The following ZNF18 variants were observed in gnomAD, a reference collection of about 807,000 sequenced individuals.
ZNF18 encodes heart development-specific gene 1 protein.
A neutral mutation model predicts 58.1 loss-of-function variants in ZNF18; 42 were observed. That is an observed-to-expected ratio of 0.72 (90% CI 0.56 to 0.93). ZNF18 has a LOEUF of 0.93. Ranked by LOEUF, ZNF18 falls within the 40% of genes least tolerant of loss-of-function variation. ZNF18 has a pLI of 0.00. For missense variants in ZNF18, 540 were observed against 644.2 expected (o/e 0.84, Z 1.75); for synonymous variants, 231 against 239.8 (o/e 0.96, Z 0.34).
chr17:11,985,894 A>G (rs1453938343), intron 4 of ZNF18, among the ~76,000 whole-genome samples: 1 of 152,222 alleles, frequency 6.6e-6, no homozygotes, highest in Non-Finnish European at 1.5e-5. Context: ...GCCAGGCTTC[A>G]GGGAATAGAA....
Position 11,978,308 on chromosome 17 carries a change from C to G in ZNF18, c.1299G>C (p.Glu433Asp), listed in dbSNP as rs1967114944. The change falls in exon 7 of 7, where the codon GAG becomes GAC. Residue 433 changes from glutamate (E) to aspartate (D), a missense_variant. By Grantham distance (45) the Glu-to-Asp change is conservative. Transcript: ENST00000580306. Reference sequence around the variant, plus strand: ...TGCAGATGGTGCACTGAAAGTATGTCTCTCCGGTGTGAGTTCTTTGGTGAA... The same window carrying G: ...TGCAGATGGTGCACTGAAAGTATGTGTCTCCGGTGTGAGTTCTTTGGTGAA... Reference protein sequence around the residue: ...LIFHQRTHTGETYFQCTICKK... With the variant: ...LIFHQRTHTGDTYFQCTICKK... 6.2e-7 allele frequency: 1 copy of G among 1,601,656 alleles called. No individual in the cohort carries two copies.
Position 11,977,864 on chromosome 17 carries a change from GT to G in ZNF18, c.*92del. On this transcript the variant is annotated 3_prime_UTR_variant, in exon 7 of 7. Transcript: ENST00000580306. ...CCAAGAAAAAAGGAGATTAACAGGG[GT>G]ATCCTCTTAGACACAATTCCTCTTG... is the stretch of plus-strand genomic sequence containing the variant. 3 of 1,402,410 alleles carry G rather than the reference GT, an allele frequency of 2.1e-6. No individual in the cohort carries two copies. Among genetic ancestry groups the G allele is most frequent in the Non-Finnish European group, 1.9e-6 (2 of 1,033,950 alleles). 86.9% of individuals were successfully genotyped at this position (1,402,410 alleles called of 1,614,324 possible).
chr17:12,000,318 GA>G (rs1393250765), upstream of ZNF18, among the ~76,000 whole-genome samples: 2 of 152,138 alleles, frequency 1.3e-5, no homozygotes, highest in African/African-American at 2.4e-5. Flanking sequence ...AGGGTAATAA[GA>G]AAAATCTATT....
chr17:11,995,014 A>G (rs2151488306), intron 1 of ZNF18, among the ~76,000 whole-genome samples: 1 of 152,338 alleles, frequency 6.6e-6, no homozygotes, highest in Middle Eastern at 3.4e-3. Flanking sequence ...CGCAGGAGTC[A>G]CAGAGGCAGA....
chr17:11,989,415 C>T (rs1467286657), intron 4 of ZNF18, among the ~76,000 whole-genome samples: 1 of 151,932 alleles, frequency 6.6e-6, no homozygotes, highest in East Asian at 1.9e-4. Context: ...CAAAACTGAC[C>T]CAGAACCAAT....
Position 11,984,096 on chromosome 17 carries a change from C to T in ZNF18, c.751+17G>A. On this transcript the variant is annotated intron_variant, in intron 5 of 6. Coordinates refer to ENST00000580306, the MANE Select transcript of ZNF18 (RefSeq NM_001303281.2). ...AGTCCTTCTACCTCCTTCCATCAGACTAACCCACACCCTCACCTCCTGAGA... is the reference window on the plus strand; with the variant it reads ...AGTCCTTCTACCTCCTTCCATCAGATTAACCCACACCCTCACCTCCTGAGA... The T allele has an allele frequency of 6.2e-7, 1 of 1,606,486 alleles. No homozygotes were observed. Among genetic ancestry groups the T allele is most frequent in the South Asian group, 1.1e-5 (1 of 89,898 alleles).
chr17:11,989,114 G>A (rs187350705), intron 4 of ZNF18, among the ~76,000 whole-genome samples: 8 of 151,108 alleles, frequency 5.3e-5, no homozygotes, highest in Admixed American at 1.3e-4. Flanking sequence ...AGCTGAGATC[G>A]CGCCACTGCA....
At position 11,991,164 on chromosome 17, in the gene ZNF18, C is replaced by T. The variant is rs1470321298; in HGVS notation, c.388-1G>A. On this transcript the variant is annotated splice_acceptor_variant, in intron 2 of 6. Coordinates refer to ENST00000580306, the MANE Select transcript of ZNF18 (RefSeq NM_001303281.2). LOFTEE classifies it high-confidence loss of function. Reference sequence around the variant, plus strand: ...CCTGTCCTAGAACCTGGATACTGATCTAGAGACCATATATTAATTAGTAAT... The same window carrying T: ...CCTGTCCTAGAACCTGGATACTGATTTAGAGACCATATATTAATTAGTAAT... 1.9e-6 allele frequency: 3 copies of T among 1,611,912 alleles called. No homozygotes were observed. Among genetic ancestry groups the T allele is most frequent in the African/African-American group, 2.7e-5 (2 of 74,790 alleles).
the ZNF18 span, among the ~76,000 whole-genome samples, chr17:12,016,903 A>T: frequency 1.3e-5 from 2 of 152,110 alleles, no homozygotes; most frequent in African/African-American, 4.8e-5. Flanking sequence ...TAATAGTCAA[A>T]ATAGTAATAT....
the ZNF18 span, among the ~76,000 whole-genome samples, chr17:12,004,337 T>C: frequency 6.6e-6 from 1 of 152,188 alleles, no homozygotes; most frequent in Non-Finnish European, 1.5e-5. Context: ...TTATATTACC[T>C]AGTTTTAACT....
chr17:12,003,824 G>A, the ZNF18 span, among the ~76,000 whole-genome samples: 2 of 152,222 alleles, frequency 1.3e-5, no homozygotes, highest in African/African-American at 2.4e-5. Flanking sequence ...CACTGGTATT[G>A]AATACAACGG....
chr17:12,007,680 G>A, the ZNF18 span, among the ~76,000 whole-genome samples: 2 of 152,182 alleles, frequency 1.3e-5, no homozygotes, highest in East Asian at 1.9e-4. Context: ...GCTACCTGCT[G>A]CTGGGGATGG....
At chr17:11,991,310 A>G in intron 2 of ZNF18, 147 bp from the exon 3 acceptor site, 1 of 795,268 alleles carries the variant, frequency 1.3e-6, no homozygotes, top group Non-Finnish European at 1.9e-6. Flanking sequence ...CTAGTCCAGC[A>G]GGAACCAGGG....
At chr17:12,011,265 AT>A in the ZNF18 span, 2 of 367,330 alleles carry the variant, frequency 5.4e-6, no homozygotes, top group Non-Finnish European at 9.9e-6. Flanking sequence ...CCTGAATCAT[AT>A]TTTGAATGAA....
intron 6 of ZNF18, among the ~76,000 whole-genome samples, chr17:11,980,762 C>G (rs1008472701): frequency 6.6e-6 from 1 of 152,130 alleles, no homozygotes; most frequent in Non-Finnish European, 1.5e-5. Context: ...CTTTTCTAGG[C>G]TCCCTTTTCT....
At chr17:12,001,886 T>C (rs946658498), upstream of ZNF18, among the ~76,000 whole-genome samples, 1 of 151,728 alleles carries the variant, frequency 6.6e-6, no homozygotes, top group Non-Finnish European at 1.5e-5. Context: ...ACTAAAAAAA[T>C]GAAAGCACAT....
At chr17:12,000,177 TC>T (rs1398209618), upstream of ZNF18, among the ~76,000 whole-genome samples, 1 of 152,044 alleles carries the variant, frequency 6.6e-6, no homozygotes, top group Non-Finnish European at 1.5e-5. Flanking sequence ...CACCTCAGTC[TC>T]CCAAAGTGCT....
intron 4 of ZNF18, among the ~76,000 whole-genome samples, chr17:11,988,590 G>A (rs539083304): frequency 1.3e-5 from 2 of 152,282 alleles, no homozygotes; most frequent in South Asian, 2.1e-4. Context: ...GAAACAGTTC[G>A]TATTTCCACC....
intron 6 of ZNF18, among the ~76,000 whole-genome samples, chr17:11,982,483 C>T (rs75672362): frequency 0.01 from 1,545 of 152,032 alleles, 24 homozygotes; most frequent in African/African-American, 0.035. Flanking sequence ...CTGATAAATA[C>T]GTTGTGTAAA....
Sources: gnomAD v4.1 joint callset for allele counts (sites outside exome capture counted in the v4.1 genomes callset) on GRCh38, gnomAD v4.1.1 for gene constraint, MANE v1.5 for transcripts, NCBI Gene and HGNC (gene_info 2026-07-23, HGNC 2026-07-21) for gene names.